Variants in DMC1 observed in about 807,000 individuals in gnomAD.
DMC1 encodes DNA meiotic recombinase 1.
DMC1 carries 27 observed loss-of-function variants against 50.1 expected under a neutral mutation model. The observed-to-expected ratio is 0.54, with a 90% confidence interval of 0.40 to 0.74. The LOEUF (loss-of-function observed/expected upper bound fraction) is 0.74. DMC1 is among the 30% of genes least tolerant of loss of function. The pLI, the probability that DMC1 is intolerant of heterozygous loss-of-function variation, is 0.00. For missense variants in DMC1, 295 were observed against 420.2 expected (o/e 0.70, Z 2.60); for synonymous variants, 148 against 136.1 (o/e 1.09, Z -0.61).
intron 12 of DMC1, among the ~76,000 whole-genome samples, chr22:38,529,978 T>A (rs1429334243): frequency 6.6e-6 from 1 of 152,030 alleles, no homozygotes. Context: ...TGAGGAGGCT[T>A]TTTTGGAGAT....
At chr22:38,545,398 G>A (rs1026850341) in intron 8 of DMC1, among the ~76,000 whole-genome samples, 2 of 152,120 alleles carry the variant, frequency 1.3e-5, no homozygotes, top group South Asian at 2.1e-4. Context: ...GCGACAGAGC[G>A]AGACCCTGTC....
chr22:38,516,011 T>C (rs1329719410), downstream of DMC1, among the ~76,000 whole-genome samples: 2 of 151,968 alleles, frequency 1.3e-5, no homozygotes, highest in Non-Finnish European at 2.9e-5. Context: ...AGGCCAGAAA[T>C]AGACCAGACC....
chr22:38,568,451 TTGTG>T lies in DMC1; in HGVS notation c.-33-166_-33-163del, dbSNP rs11570378. 2.0e-3 allele frequency: 1,179 copies of T among 590,014 alleles called. 5 individuals are homozygous for T. Among genetic ancestry groups the T allele is most frequent in the South Asian group, 7.7e-3 (389 of 50,364 alleles). 36.5% of individuals were successfully genotyped at this position (590,014 alleles called of 1,614,324 possible). A position where few individuals can be genotyped will look rare whatever the true frequency, so the allele number is the denominator to read the frequency against. On this transcript the variant is annotated intron_variant, in intron 1 of 13. Transcript: ENST00000216024. Reference sequence around the variant, plus strand: ...TCTGCGAGACATGTGACATTATTTCTTGTGTGTGTGTGTGTGTGTGTGCATGTGT... The same window carrying T: ...TCTGCGAGACATGTGACATTATTTCTTGTGTGTGTGTGTGTGTGCATGTGT...
intron 12 of DMC1, among the ~76,000 whole-genome samples, chr22:38,531,122 T>C (rs2090147170): frequency 6.6e-6 from 1 of 152,180 alleles, no homozygotes; most frequent in Admixed American, 6.6e-5. Flanking sequence ...ACTGCAAATG[T>C]TCTACGGTGA....
At chr22:38,524,523 C>T (rs1420792542) in intron 12 of DMC1, among the ~76,000 whole-genome samples, 1 of 152,176 alleles carries the variant, frequency 6.6e-6, no homozygotes, top group African/African-American at 2.4e-5. Flanking sequence ...TGTCCACCAC[C>T]TATATACTTA....
At chr22:38,558,883 T>C (rs1164671778) in intron 5 of DMC1, among the ~76,000 whole-genome samples, 5 of 152,176 alleles carry the variant, frequency 3.3e-5, no homozygotes, top group Admixed American at 3.3e-4. Flanking sequence ...CAGATTGTCA[T>C]TTGAATCAAG....
the DMC1 span, among the ~76,000 whole-genome samples, chr22:38,513,827 A>G: frequency 3.9e-5 from 6 of 152,214 alleles, no homozygotes; most frequent in East Asian, 3.9e-4. Context: ...CGGCCTCTCA[A>G]AGTGCTGGGA....
downstream of DMC1, among the ~76,000 whole-genome samples, chr22:38,514,246 C>CTTTTTTTTTTTTTTTTTTTTTT (rs142872124): frequency 1.4e-5 from 1 of 71,310 alleles, no homozygotes. Context: ...GTTAGGTATT[C>CTTTTTTTTTTTTTTTTTTTTTT]TTTTTTTTTT....
At chr22:38,527,458 G>T (rs944545753) in intron 12 of DMC1, among the ~76,000 whole-genome samples, 19 of 151,288 alleles carry the variant, frequency 1.3e-4, no homozygotes, top group African/African-American at 4.4e-4. Flanking sequence ...GCCCACCTCG[G>T]CCTCCCAAAG....
At chr22:38,537,810 T>A (rs1017654357) in intron 11 of DMC1, among the ~76,000 whole-genome samples, 158 bp from the exon 12 acceptor site, 1 of 152,162 alleles carries the variant, frequency 6.6e-6, no homozygotes, top group Non-Finnish European at 1.5e-5. Flanking sequence ...AATTATTTGT[T>A]ATTATTATTA....
At chr22:38,556,387 C>A (rs534643495) in intron 5 of DMC1, among the ~76,000 whole-genome samples, 1 of 152,250 alleles carries the variant, frequency 6.6e-6, no homozygotes, top group East Asian at 1.9e-4. Flanking sequence ...AGCCATCATG[C>A]CCGGCTTCAG....
In DMC1 at chr22:38,526,260, A is replaced by G. The variant is rs187795762; in HGVS notation, c.837-4536T>C. On this transcript the variant is annotated intron_variant, in intron 12 of 13. Coordinates refer to ENST00000216024, the MANE Select transcript of DMC1 (RefSeq NM_007068.4). Reference sequence around the variant, plus strand: ...TGCTCTGTTGCCCAGGCTGGAGTGCAATGCCGTGATCGCGGCTCATTGCAA... The same window carrying G: ...TGCTCTGTTGCCCAGGCTGGAGTGCGATGCCGTGATCGCGGCTCATTGCAA... Among the ~76,000 whole-genome samples, 417 of 151,926 alleles carry G rather than the reference A, an allele frequency of 2.7e-3. 2 individuals carry two copies. The highest frequency in any genetic ancestry group is 9.7e-3 in the African/African-American group (402 of 41,434).
rs115736018 is a variant in DMC1, at chr22:38,543,137, G to A, written c.495-3725C>T. On this transcript the variant is annotated intron_variant, in intron 8 of 13. Coordinates refer to ENST00000216024, the MANE Select transcript of DMC1 (RefSeq NM_007068.4). ...CATTGGGGAAACTCTGTAGAACACT[G>A]GACTGGGTAAAGATTTCTTGAGTAA... Among the ~76,000 whole-genome samples, 1,309 of 152,206 alleles carry A rather than the reference G, an allele frequency of 8.6e-3. 20 individuals carry two copies. Among genetic ancestry groups the A allele is most frequent in the African/African-American group, 0.03 (1,248 of 41,526 alleles).
At chr22:38,511,194 G>C in the DMC1 span, among the ~76,000 whole-genome samples, 1 of 152,084 alleles carries the variant, frequency 6.6e-6, no homozygotes, top group South Asian at 2.1e-4. Flanking sequence ...CATTCAATAA[G>C]TTTATCATTA....
intron 12 of DMC1, among the ~76,000 whole-genome samples, chr22:38,532,471 G>A (rs914672442): frequency 6.6e-6 from 1 of 151,572 alleles, no homozygotes; most frequent in Non-Finnish European, 1.5e-5. Flanking sequence ...ACAGGCACGC[G>A]CATTTACGCC....
chr22:38,562,216 C>T, intron 5 of DMC1, 71 bp downstream of exon 5: 1 of 1,037,978 alleles, frequency 9.6e-7, no homozygotes, highest in Admixed American at 1.8e-5. Context: ...GTAGAAGTAA[C>T]CAGAAAGAGG....
chr22:38,517,215 C>G (rs2089982080), downstream of DMC1, among the ~76,000 whole-genome samples: 1 of 152,178 alleles, frequency 6.6e-6, no homozygotes, highest in South Asian at 2.1e-4. Context: ...CCTTTGCTAT[C>G]TCTAAGAATT....
At chr22:38,560,340 A>G (rs2090513808) in intron 5 of DMC1, among the ~76,000 whole-genome samples, 1 of 152,178 alleles carries the variant, frequency 6.6e-6, no homozygotes, top group Non-Finnish European at 1.5e-5. Context: ...AATAGCAAAG[A>G]GGTCACTATG....
intron 5 of DMC1, among the ~76,000 whole-genome samples, chr22:38,561,002 A>T (rs1569169817): frequency 1.3e-5 from 2 of 149,140 alleles, no homozygotes; most frequent in Admixed American, 6.7e-5. Flanking sequence ...TAATTCCTTA[A>T]TTTTTTTTTT....
Sources: gnomAD v4.1 joint callset for allele counts (sites outside exome capture counted in the v4.1 genomes callset) on GRCh38, gnomAD v4.1.1 for gene constraint, MANE v1.5 for transcripts, NCBI Gene and HGNC (gene_info 2026-07-23, HGNC 2026-07-21) for gene names.